FHIT: variants seen among roughly 807,000 people sequenced by gnomAD.
FHIT encodes fragile histidine triad diadenosine triphosphatase.
A neutral mutation model predicts 17.9 loss-of-function variants in FHIT; 19 were observed. The observed-to-expected ratio is 1.06, with a 90% CI of 0.74 to 1.56. The LOEUF is 1.56. Ranked by LOEUF, FHIT falls within the 40% of genes most tolerant of loss-of-function variation. The pLI, the probability that FHIT is intolerant of heterozygous loss-of-function variation, is 0.00. For missense variants in FHIT, 248 were observed against 189.2 expected (o/e 1.31, Z -1.82); for synonymous variants, 81 against 69.7 (o/e 1.16, Z -0.81).
intron 5 of FHIT, among the ~76,000 whole-genome samples, chr3:60,222,487 T>C (rs1365818948): frequency 2.0e-5 from 3 of 152,156 alleles, no homozygotes; most frequent in Non-Finnish European, 4.4e-5. Flanking sequence ...TTGTGGTTCT[T>C]GCCATTAAAA....
chr3:60,384,695 T>C (rs760320033), intron 5 of FHIT, among the ~76,000 whole-genome samples: 6 of 56,394 alleles, frequency 1.1e-4, no homozygotes, highest in Middle Eastern at 9.3e-3. Context: ...CAGAAAATCA[T>C]TACAAAATCT....
chr3:59,958,649 C>A (rs1173004372), intron 7 of FHIT, among the ~76,000 whole-genome samples: 1 of 152,180 alleles, frequency 6.6e-6, no homozygotes, highest in Admixed American at 6.5e-5. Context: ...CGACAGTAAA[C>A]AATGCCTTGG....
intron 4 of FHIT, among the ~76,000 whole-genome samples, chr3:60,573,549 A>T (rs782654829): frequency 2.6e-5 from 4 of 152,118 alleles, no homozygotes; most frequent in Non-Finnish European, 5.9e-5. Context: ...AACAAACCGT[A>T]CATGTCCTTC....
chr3:60,730,960 CAAA>C (rs56078734), intron 4 of FHIT, among the ~76,000 whole-genome samples: 37,304 of 134,854 alleles, frequency 0.28, 5,060 homozygotes, highest in Non-Finnish European at 0.32. Context: ...AATAAAAATA[CAAA>C]AAAAAAAAAA....
chr3:60,738,107 C>T (rs758668827), intron 4 of FHIT, among the ~76,000 whole-genome samples: 197 of 152,118 alleles, frequency 1.3e-3, no homozygotes, highest in Non-Finnish European at 2.2e-3. Flanking sequence ...GCAAGGAATC[C>T]GACCGGGAGA....
chr3:60,240,443 A>G (rs1049844776), intron 5 of FHIT, among the ~76,000 whole-genome samples: 3 of 152,338 alleles, frequency 2.0e-5, no homozygotes, highest in African/African-American at 7.2e-5. Context: ...GAGGATGCAA[A>G]GCAGCTAATG....
intron 7 of FHIT, among the ~76,000 whole-genome samples, chr3:59,957,501 C>A (rs113334207): frequency 6.6e-6 from 1 of 152,186 alleles, no homozygotes; most frequent in African/African-American, 2.4e-5. Context: ...CTAATGCAGT[C>A]AGTAAAGACT....
chr3:60,512,016 T>C (rs566676495), intron 5 of FHIT, among the ~76,000 whole-genome samples: 15 of 152,160 alleles, frequency 9.9e-5, no homozygotes, highest in Admixed American at 3.9e-4. Context: ...AGTTCTTCCT[T>C]ACAGAATAAT....
chr3:60,765,523 C>A (rs1699820601), intron 4 of FHIT: 1 of 152,172 alleles, frequency 6.6e-6, no homozygotes, highest in South Asian at 2.1e-4. Context: ...AATATACTTA[C>A]ACTAAAAATC....
At chr3:59,925,106 CCTT>C (rs956385654) in intron 7 of FHIT, among the ~76,000 whole-genome samples, 3 of 149,082 alleles carry the variant, frequency 2.0e-5, no homozygotes, top group Non-Finnish European at 4.5e-5. Context: ...CCCTTCCTTT[CCTT>C]CTTTTCTCTC....
chr3:59,850,051 G>T lies in FHIT; in HGVS notation c.348+72295C>A, dbSNP rs187883003. On this transcript the variant is annotated intron_variant, in intron 8 of 9. Coordinates refer to ENST00000492590, the MANE Select transcript of FHIT (RefSeq NM_002012.4). ...TTTCCAATGTGTTTTGAAATGATCT[G>T]CTAGGACCAAATGCTAACATGAAAT... Among the ~76,000 whole-genome samples the T allele has an allele frequency of 6.6e-5, 10 of 152,224 alleles. No homozygotes were observed. The East Asian group carries it at 1.9e-3, about 29-fold the overall frequency.
At chr3:60,563,918 G>A (rs945881421) in intron 4 of FHIT, among the ~76,000 whole-genome samples, 1 of 152,194 alleles carries the variant, frequency 6.6e-6, no homozygotes, top group African/African-American at 2.4e-5. Flanking sequence ...GATAATCAAT[G>A]AAGTTGACCA....
chr3:60,881,027 C>A (rs1360810975), intron 3 of FHIT, among the ~76,000 whole-genome samples: 2 of 152,066 alleles, frequency 1.3e-5, no homozygotes, highest in Admixed American at 6.6e-5. Flanking sequence ...AAACATGATC[C>A]AACTATATGC....
At chr3:60,201,910 A>C (rs760629014) in intron 5 of FHIT, among the ~76,000 whole-genome samples, 5 of 152,102 alleles carry the variant, frequency 3.3e-5, no homozygotes, top group Admixed American at 1.3e-4. Flanking sequence ...TTAGCTCAGC[A>C]TAAGCATTAC....
intron 5 of FHIT, among the ~76,000 whole-genome samples, chr3:60,038,159 T>G (rs1701298236): frequency 6.6e-6 from 1 of 152,230 alleles, no homozygotes; most frequent in Admixed American, 6.5e-5. Flanking sequence ...AAATTTTATG[T>G]TCAGTTTCCT....
chr3:60,909,518 T>C (rs1706619063), intron 3 of FHIT, among the ~76,000 whole-genome samples: 1 of 152,212 alleles, frequency 6.6e-6, no homozygotes, highest in Admixed American at 6.5e-5. Flanking sequence ...TCTGTATATA[T>C]AGATGCTGTC....
chr3:61,141,202 C>T, intron 2 of FHIT, among the ~76,000 whole-genome samples: 1 of 151,986 alleles, frequency 6.6e-6, no homozygotes, highest in South Asian at 2.1e-4. Context: ...CAGAACAGGA[C>T]CACCTGCTTG....
intron 3 of FHIT, among the ~76,000 whole-genome samples, chr3:60,978,475 T>C (rs1159904789): frequency 2.0e-5 from 3 of 152,208 alleles, no homozygotes; most frequent in Middle Eastern, 3.2e-3. Flanking sequence ...TTCACTTGAC[T>C]ACTTCTCCTT....
intron 5 of FHIT, among the ~76,000 whole-genome samples, chr3:60,179,881 T>TC (rs1480542420): frequency 6.6e-6 from 1 of 152,180 alleles, no homozygotes. Context: ...TACCATTAAT[T>TC]CCCCAGTATT....
Sources: allele counts gnomAD v4.1 joint callset (sites outside exome capture counted in the v4.1 genomes callset), GRCh38; gene constraint gnomAD v4.1.1; transcripts MANE v1.5; gene names NCBI Gene and HGNC (gene_info 2026-07-23, HGNC 2026-07-21).